LIN52: variants seen among roughly 807,000 people sequenced by gnomAD.
LIN52 encodes the protein lin-52 DREAM MuvB core complex component, also known as protein lin-52 homolog.
Under a neutral mutation model 18.5 loss-of-function variants are expected in LIN52, and 4 were observed. That is an observed-to-expected ratio of 0.22 (90% CI 0.11 to 0.49). The LOEUF (loss-of-function observed/expected upper bound fraction) is 0.49. Among genes scored for constraint, LIN52 ranks in the 20% least tolerant of loss-of-function variants. The pLI is 0.97. For synonymous variants in LIN52, 34 were observed against 45.5 expected (o/e 0.75, Z 1.02); for missense variants, 102 against 139.5 (o/e 0.73, Z 1.35).
chr14:74,134,114 T>C (rs1389367954), intron 5 of LIN52, among the ~76,000 whole-genome samples: 1 of 152,252 alleles, frequency 6.6e-6, no homozygotes, highest in Admixed American at 6.5e-5. Flanking sequence ...TTCTTCTGGC[T>C]GTCTGAGGTT....
chr14:74,165,763 C>G (rs920608275), intron 5 of LIN52, among the ~76,000 whole-genome samples: 2 of 152,068 alleles, frequency 1.3e-5, no homozygotes, highest in Non-Finnish European at 1.5e-5. Context: ...CCCACCTCCG[C>G]CTCCCAAAGT....
chr14:74,147,076 T>C (rs2139551247), intron 5 of LIN52, among the ~76,000 whole-genome samples: 1 of 152,158 alleles, frequency 6.6e-6, no homozygotes, highest in East Asian at 1.9e-4. Flanking sequence ...CTGACCAACA[T>C]GATGAAACCT....
intron 1 of LIN52, among the ~76,000 whole-genome samples, chr14:74,089,560 T>G (rs11159061): frequency 0.4 from 60,250 of 151,442 alleles, 13,051 homozygotes; most frequent in East Asian, 0.82. Flanking sequence ...TAGAGATGGG[T>G]TTTCACTATG....
At chr14:74,152,586 T>G (rs1288097764) in intron 5 of LIN52, among the ~76,000 whole-genome samples, 1 of 152,014 alleles carries the variant, frequency 6.6e-6, no homozygotes. Context: ...GCCATCTGAC[T>G]CCATAGCCTT....
At chr14:74,167,653 G>T (rs1378875661) in intron 5 of LIN52, among the ~76,000 whole-genome samples, 1 of 152,166 alleles carries the variant, frequency 6.6e-6, no homozygotes, top group East Asian at 1.9e-4. Context: ...TATTTGACAA[G>T]TGAAGTATTG....
chr14:74,180,930 G>C (rs1317088263), intron 5 of LIN52, among the ~76,000 whole-genome samples: 1 of 151,800 alleles, frequency 6.6e-6, no homozygotes, highest in African/African-American at 2.4e-5. Context: ...GCAACGTAGT[G>C]AGACCCTGTC....
intron 5 of LIN52, among the ~76,000 whole-genome samples, chr14:74,157,038 T>TTTC (rs1555383720): frequency 6.7e-6 from 1 of 149,998 alleles, no homozygotes; most frequent in Non-Finnish European, 1.5e-5. Context: ...TCTTTTTCTT[T>TTTC]TTTTTTTTTT....
At chr14:74,116,701 T>C (rs2060966539) in intron 5 of LIN52, among the ~76,000 whole-genome samples, 1 of 148,216 alleles carries the variant, frequency 6.7e-6, no homozygotes, top group South Asian at 2.1e-4. Context: ...AGAGTAAGAC[T>C]ATGTCTCTAA....
At chr14:74,092,608 T>TAA (rs1280205973) in intron 2 of LIN52, among the ~76,000 whole-genome samples, 1 of 151,286 alleles carries the variant, frequency 6.6e-6, no homozygotes, top group Non-Finnish European at 1.5e-5. Context: ...GGCTGGCCAT[T>TAA]AATTACTTTT....
intron 5 of LIN52, among the ~76,000 whole-genome samples, chr14:74,184,025 T>A (rs1420591261): frequency 1.3e-5 from 2 of 152,224 alleles, no homozygotes; most frequent in African/African-American, 4.8e-5. Flanking sequence ...TCTCTGTAAC[T>A]GCACCCCCTA....
intron 5 of LIN52, among the ~76,000 whole-genome samples, chr14:74,171,089 A>T (rs1261740724): frequency 1.3e-5 from 2 of 151,964 alleles, no homozygotes; most frequent in Non-Finnish European, 2.9e-5. Flanking sequence ...TCTGCCATTA[A>T]ATGAAAGGTA....
intron 5 of LIN52, among the ~76,000 whole-genome samples, chr14:74,108,904 A>G (rs1457835571): frequency 6.6e-6 from 1 of 152,122 alleles, no homozygotes; most frequent in Non-Finnish European, 1.5e-5. Flanking sequence ...AAAGCTTTAA[A>G]TTTTGATGAA....
chr14:74,124,304 A>G (rs1040885075), intron 5 of LIN52, among the ~76,000 whole-genome samples: 19 of 152,308 alleles, frequency 1.2e-4, no homozygotes, highest in South Asian at 8.3e-4. Flanking sequence ...ATAGTTATAC[A>G]ATAACACTTC....
At chr14:74,154,200 A>G (rs2061188635) in intron 5 of LIN52, among the ~76,000 whole-genome samples, 1 of 151,834 alleles carries the variant, frequency 6.6e-6, no homozygotes, top group East Asian at 1.9e-4. Context: ...TTATGTTGGC[A>G]TGACAGTTTC....
intron 5 of LIN52, among the ~76,000 whole-genome samples, chr14:74,128,904 T>G (rs1253487146): frequency 6.6e-6 from 1 of 152,098 alleles, no homozygotes; most frequent in East Asian, 1.9e-4. Flanking sequence ...ATCGCACCAC[T>G]GCACTCCAGC....
Position 74,198,993 on chromosome 14 carries a change from A to C in LIN52, c.*16A>C, listed in dbSNP as rs747086819. ...CAAGAAGTAGCAGCTGCTTGCGGAC[A>C]GGATGTCCTGGGGTCCGAAACCAAG... On this transcript the variant is annotated 3_prime_UTR_variant, in exon 6 of 6. Coordinates refer to ENST00000555028, the MANE Select transcript of LIN52 (RefSeq NM_001024674.3). 3 of 1,602,112 alleles carry C rather than the reference A, an allele frequency of 1.9e-6. No individual in the cohort carries two copies. Among genetic ancestry groups the C allele is most frequent in the African/African-American group, 2.7e-5 (2 of 74,660 alleles).
rs140291452 is a variant in LIN52 at position 74,124,065 on chromosome 14, A to T, written c.283+22827A>T. Reference sequence around the variant, plus strand: ...TTTGGCCATGGATTTTTATTTATTTATTTTTTTTACAAGATGATCATGGAC... The same window carrying T: ...TTTGGCCATGGATTTTTATTTATTTTTTTTTTTTACAAGATGATCATGGAC... On this transcript the variant is annotated intron_variant, in intron 5 of 5. Transcript: ENST00000555028. 5.2e-3 allele frequency among the ~76,000 whole-genome samples: 783 copies of T among 151,914 alleles called. 6 individuals are homozygous for T. The highest frequency in any genetic ancestry group is 0.018 in the African/African-American group (735 of 41,458).
chr14:74,091,230 AG>A lies in LIN52; in HGVS notation c.21del. Reference sequence around the variant, plus strand: ...TTGGTTCATCTGGATGTTTTGTTCTAGGGACAGATCTGGAAGCATCTTTGCT... The same window carrying A: ...TTGGTTCATCTGGATGTTTTGTTCTAGGACAGATCTGGAAGCATCTTTGCT... On this transcript the variant is annotated splice_acceptor_variant, in intron 1 of 5. Coordinates refer to ENST00000555028, the MANE Select transcript of LIN52 (RefSeq NM_001024674.3). LOFTEE classifies it high-confidence loss of function. The A allele has an allele frequency of 6.2e-7, 1 of 1,605,728 alleles. No homozygotes were observed. The highest frequency in any genetic ancestry group is 8.5e-7 in the Non-Finnish European group (1 of 1,173,102).
At chr14:74,175,896 CTTGAG>C (rs2061292031) in intron 5 of LIN52, among the ~76,000 whole-genome samples, 2 of 151,778 alleles carry the variant, frequency 1.3e-5, no homozygotes, top group African/African-American at 4.8e-5. Flanking sequence ...AGTAGGATCA[CTTGAG>C]TTGAGGAGTA....
Sources: allele counts gnomAD v4.1 joint callset (sites outside exome capture counted in the v4.1 genomes callset), GRCh38; gene constraint gnomAD v4.1.1; transcripts MANE v1.5; gene names NCBI Gene and HGNC (gene_info 2026-07-23, HGNC 2026-07-21).